The following METTL24 variants were observed in gnomAD, a reference collection of about 807,000 sequenced individuals.
METTL24 encodes probable methyltransferase-like protein 24.
METTL24 carries 29 observed loss-of-function variants against 32.7 expected under a neutral mutation model. That is an observed-to-expected ratio of 0.89 (90% confidence interval 0.66 to 1.21). The LOEUF is 1.21. METTL24 is among the 50% of genes most tolerant of loss of function. The pLI is 0.00. For synonymous variants in METTL24, 163 were observed against 179.5 expected, an observed-to-expected ratio of 0.91 and a Z score of 0.73; for missense variants, 439 against 468.1, an observed-to-expected ratio of 0.94 and a Z score of 0.57.
At chr6:110,314,596 T>C (rs1008125140) in intron 3 of METTL24, among the ~76,000 whole-genome samples, 2 of 152,236 alleles carry the variant, frequency 1.3e-5, no homozygotes, top group African/African-American at 4.8e-5. Context: ...AGATTTATCA[T>C]TGGTATAAAA....
intron 4 of METTL24, among the ~76,000 whole-genome samples, chr6:110,278,188 T>G (rs561194766): frequency 6.6e-6 from 1 of 152,334 alleles, no homozygotes; most frequent in Admixed American, 6.5e-5. Context: ...CTTTCATTTC[T>G]GGTTCCCGTG....
At chr6:110,272,098 G>A (rs541316635) in intron 4 of METTL24, among the ~76,000 whole-genome samples, 20 of 151,978 alleles carry the variant, frequency 1.3e-4, no homozygotes, top group Non-Finnish European at 2.8e-4. Context: ...CCAGTATGTG[G>A]TCTTGTCTCC....
rs1382975829 is a variant in METTL24 at position 110,324,309 on chromosome 6, G to GCCTCACGCAGTC, written c.319-1449_319-1438dup. Among the ~76,000 whole-genome samples the GCCTCACGCAGTC allele has an allele frequency of 1.2e-4, 18 of 152,292 alleles. No individual in the cohort carries two copies. In the East Asian group the frequency reaches 2.7e-3, roughly 23 times the overall value. ...CCTGTACTACCCTTGTGGGGGCTGA[G>GCCTCACGCAGTC]CCTCACGCAGTCCCTCTAGATTGAA... On this transcript the variant is annotated intron_variant, in intron 1 of 4. Transcript: ENST00000338882.
In METTL24 at chr6:110,353,835, G is replaced by A. The variant is rs893017630; in HGVS notation, c.318+4120C>T. On this transcript the variant is annotated intron_variant, in intron 1 of 4. Transcript: ENST00000338882. Reference sequence around the variant, plus strand: ...GAGATAAAACATCCACCCAAGAGCTGCATTAAAAAGCATAAATCATGAAGA... The same window carrying A: ...GAGATAAAACATCCACCCAAGAGCTACATTAAAAAGCATAAATCATGAAGA... Among the ~76,000 whole-genome samples, 5 of 152,004 alleles carry A rather than the reference G, an allele frequency of 3.3e-5. 1 individual carries two copies. In the South Asian group the frequency reaches 1.0e-3, roughly 32 times the overall value.
chr6:110,247,924 T>C (rs2114688383), intron 4 of METTL24, among the ~76,000 whole-genome samples: 1 of 152,230 alleles, frequency 6.6e-6, no homozygotes, highest in East Asian at 1.9e-4. Context: ...TGATACTCAA[T>C]GTTGGAAGTG....
intron 1 of METTL24, among the ~76,000 whole-genome samples, chr6:110,353,191 C>T (rs901521028): frequency 5.9e-5 from 9 of 152,216 alleles, no homozygotes; most frequent in African/African-American, 2.2e-4. Flanking sequence ...GGAGCTTATT[C>T]AATTACCCTC....
intron 4 of METTL24, among the ~76,000 whole-genome samples, chr6:110,297,829 G>A (rs954752048): frequency 6.6e-6 from 1 of 152,102 alleles, no homozygotes; most frequent in African/African-American, 2.4e-5. Context: ...TGGTGGCAAA[G>A]CAAAATACAA....
Position 110,358,018 on chromosome 6 carries a change from C to CCCCGGCGGCG in METTL24, c.245_254dup (p.Gly86AlafsTer44). 2 of 1,153,046 alleles carry CCCCGGCGGCG rather than the reference C, an allele frequency of 1.7e-6. No homozygotes were observed. Among genetic ancestry groups the CCCCGGCGGCG allele is most frequent in the South Asian group, 4.2e-5 (1 of 23,604 alleles). 71.4% of individuals were successfully genotyped at this position (1,153,046 alleles called of 1,614,324 possible). ...GCTCCGGCGTCCCGCTCCCGCCGCC[C>CCCCGGCGGCG]CCCGGCGGCGCCCGGCGACCGCTGC... On this transcript the variant is annotated frameshift_variant, in exon 1 of 5. Transcript: ENST00000338882. LOFTEE classifies it high-confidence loss of function.
At chr6:110,268,114 T>C (rs1406385472) in intron 4 of METTL24, among the ~76,000 whole-genome samples, 2 of 152,208 alleles carry the variant, frequency 1.3e-5, no homozygotes, top group Admixed American at 6.5e-5. Context: ...CTACATGGAA[T>C]GCCTCAATCA....
At chr6:110,258,306 T>C (rs1388682362) in intron 4 of METTL24, among the ~76,000 whole-genome samples, 1 of 152,228 alleles carries the variant, frequency 6.6e-6, no homozygotes, top group Non-Finnish European at 1.5e-5. Flanking sequence ...ATCTCAAACA[T>C]GATAGCCAAA....
chr6:110,276,711 C>T (rs6925600), intron 4 of METTL24, among the ~76,000 whole-genome samples: 3,439 of 152,160 alleles, frequency 0.023, 160 homozygotes, highest in African/African-American at 0.078. Flanking sequence ...GAAAGGTTGC[C>T]GACACCTGGC....
intron 1 of METTL24, among the ~76,000 whole-genome samples, chr6:110,352,072 T>TTAG (rs1014147905): frequency 6.6e-6 from 1 of 152,220 alleles, no homozygotes; most frequent in African/African-American, 2.4e-5. Flanking sequence ...CAAAAGAATG[T>TTAG]TAGGTTAACT....
At chr6:110,314,624 A>G (rs926762781) in intron 3 of METTL24, among the ~76,000 whole-genome samples, 5 of 152,224 alleles carry the variant, frequency 3.3e-5, no homozygotes, top group African/African-American at 1.2e-4. Flanking sequence ...ATCTAACAAT[A>G]GCCATTATTT....
chr6:110,358,258 C>T lies in METTL24; in HGVS notation c.15G>A (p.Arg5=). The T allele has an allele frequency of 6.8e-7, 1 of 1,480,766 alleles. No homozygotes were observed. The highest frequency in any genetic ancestry group is 8.9e-7 in the Non-Finnish European group (1 of 1,122,512). The allele number at this position is 1,480,766 out of a possible 1,614,324, so 91.7% of individuals were successfully genotyped here. A position where few individuals can be genotyped will look rare whatever the true frequency, so the allele number is the denominator to read the frequency against. MARE[R]PPGRGCGVLR... is the part of the protein sequence containing the mutation. ...GGACGCCGCAGCCCCTCCCGGGCGG[C>T]CTCTCCCGGGCCATGGCGCTACACT... is the stretch of plus-strand genomic sequence containing the variant. The change falls in exon 1 of 5, where the codon AGG becomes AGA. Residue 5 remains arginine, a synonymous_variant. Coordinates refer to ENST00000338882, the MANE Select transcript of METTL24 (RefSeq NM_001123364.3).
At chr6:110,264,131 T>G (rs1412391132) in intron 4 of METTL24, among the ~76,000 whole-genome samples, 7 of 151,232 alleles carry the variant, frequency 4.6e-5, no homozygotes, top group Non-Finnish European at 8.8e-5. Flanking sequence ...GGGATCTAAT[T>G]AAACTAAAGA....
chr6:110,311,877 T>C (rs545641000), intron 3 of METTL24, among the ~76,000 whole-genome samples: 152 of 152,348 alleles, frequency 1.0e-3, no homozygotes, highest in South Asian at 5.6e-3. Context: ...TTTGCCCACT[T>C]TTTCATGGAA....
intron 1 of METTL24, among the ~76,000 whole-genome samples, chr6:110,328,341 T>TG (rs1772051635): frequency 6.6e-6 from 1 of 152,238 alleles, no homozygotes; most frequent in Non-Finnish European, 1.5e-5. Flanking sequence ...CTTCTTCTAA[T>TG]GAGAGGCAAA....
chr6:110,351,394 TAGAG>T (rs1267508648), intron 1 of METTL24, among the ~76,000 whole-genome samples: 2 of 152,072 alleles, frequency 1.3e-5, no homozygotes, highest in East Asian at 3.9e-4. Flanking sequence ...TACATGTAGA[TAGAG>T]AAATAGTTAA....
chr6:110,330,901 G>A (rs968674305), intron 1 of METTL24, among the ~76,000 whole-genome samples: 2 of 152,164 alleles, frequency 1.3e-5, no homozygotes, highest in South Asian at 4.1e-4. Context: ...GAAGAATCAG[G>A]AAAATCCCAA....
Sources: allele counts gnomAD v4.1 joint callset (sites outside exome capture counted in the v4.1 genomes callset), GRCh38; gene constraint gnomAD v4.1.1; transcripts MANE v1.5; gene names NCBI Gene and HGNC (gene_info 2026-07-23, HGNC 2026-07-21).